SLC25A13: variants seen among roughly 807,000 people sequenced by gnomAD.
The protein encoded by SLC25A13 is electrogenic aspartate/glutamate antiporter SLC25A13, mitochondrial.
In SLC25A13, 70 loss-of-function variants were observed where a neutral mutation model predicts 85.5. The observed-to-expected ratio is 0.82, with a 90% CI of 0.68 to 1.00. The LOEUF (loss-of-function observed/expected upper bound fraction) is 1.00. Among genes scored for constraint, SLC25A13 ranks in the 50% least tolerant of loss-of-function variants. The probability of loss-of-function intolerance (pLI) is 0.00; values close to 1 mark genes in which losing one functional copy is unlikely to be tolerated. For synonymous variants in SLC25A13, 259 were observed against 288.7 expected (o/e 0.90, Z 1.04); for missense variants, 765 against 819.8 (o/e 0.93, Z 0.82).
intron 11 of SLC25A13, among the ~76,000 whole-genome samples, chr7:96,177,750 T>G (rs193194462): frequency 6.6e-6 from 1 of 152,154 alleles, no homozygotes; most frequent in African/African-American, 2.4e-5. Flanking sequence ...TCCTCCTTCA[T>G]GGAAACTGGA....
At chr7:96,229,435 G>A (rs997262512) in intron 4 of SLC25A13, among the ~76,000 whole-genome samples, 1 of 152,150 alleles carries the variant, frequency 6.6e-6, no homozygotes. Context: ...TCAGCAGGAT[G>A]TGGGTGGGGC....
At chr7:96,237,971 A>G (rs1400872124) in intron 3 of SLC25A13, among the ~76,000 whole-genome samples, 1 of 152,072 alleles carries the variant, frequency 6.6e-6, no homozygotes, top group African/African-American at 2.4e-5. Context: ...GCCAAAAGAG[A>G]CCCAATGGAC....
intron 3 of SLC25A13, among the ~76,000 whole-genome samples, chr7:96,268,806 G>A (rs1405253896): frequency 6.6e-6 from 1 of 152,126 alleles, no homozygotes; most frequent in Non-Finnish European, 1.5e-5. Context: ...ACCATGCCCT[G>A]CACTTCCATG....
chr7:96,258,066 C>T (rs1797708177), intron 3 of SLC25A13, among the ~76,000 whole-genome samples: 1 of 152,118 alleles, frequency 6.6e-6, no homozygotes, highest in African/African-American at 2.4e-5. Context: ...TGGAACGTAT[C>T]TCAAAAAGAA....
chr7:96,247,915 C>A (rs1797264232), intron 3 of SLC25A13, among the ~76,000 whole-genome samples: 1 of 147,288 alleles, frequency 6.8e-6, no homozygotes, highest in African/African-American at 2.5e-5. Flanking sequence ...ATAGTTTATA[C>A]AGGGTGTTCT....
Position 96,194,442 on chromosome 7 carries a change from C to CAAAAAAAAAAAAAAAAAAAAAAAAAAA in SLC25A13, c.469-1260_469-1259insTTTTTTTTTTTTTTTTTTTTTTTTTTT, listed in dbSNP as rs546248549. On this transcript the variant is annotated intron_variant, in intron 5 of 17. Transcript: ENST00000265631. Reference sequence around the variant, plus strand: ...TGGGTGACAGAGTGAAACCTTGTCTCAAAAAAAAAAAAAAAAAAAAAAAAA... The same window carrying CAAAAAAAAAAAAAAAAAAAAAAAAAAA: ...TGGGTGACAGAGTGAAACCTTGTCTCAAAAAAAAAAAAAAAAAAAAAAAAAAAAAAAAAAAAAAAAAAAAAAAAAAAA... Among the ~76,000 whole-genome samples, 3 of 27,690 alleles carry CAAAAAAAAAAAAAAAAAAAAAAAAAAA rather than the reference C, an allele frequency of 1.1e-4. 1 individual carries two copies. The highest frequency in any genetic ancestry group is 1.3e-4 in the Non-Finnish European group (2 of 14,870). 18.2% of individuals were successfully genotyped at this position (27,690 alleles called of 152,430 possible).
intron 4 of SLC25A13, among the ~76,000 whole-genome samples, chr7:96,232,344 C>T (rs1375374849): frequency 6.6e-6 from 1 of 151,104 alleles, no homozygotes; most frequent in East Asian, 1.9e-4. Flanking sequence ...GAACAGAAAA[C>T]CAAAAACCAA....
intron 2 of SLC25A13, among the ~76,000 whole-genome samples, chr7:96,294,712 C>T (rs147309644): frequency 0.011 from 1,665 of 152,292 alleles, 18 homozygotes; most frequent in South Asian, 0.025. Flanking sequence ...GGGTCTCACT[C>T]TGTCATCCAG....
chr7:96,202,721 AG>A (rs1795306258), intron 5 of SLC25A13, among the ~76,000 whole-genome samples: 2 of 152,216 alleles, frequency 1.3e-5, no homozygotes, highest in South Asian at 4.1e-4. Flanking sequence ...AATTGAAAAG[AG>A]GCAGCAGAGC....
At chr7:96,191,764 T>C (rs1265822179) in intron 6 of SLC25A13, among the ~76,000 whole-genome samples, 1 of 152,166 alleles carries the variant, frequency 6.6e-6, no homozygotes, top group African/African-American at 2.4e-5. Flanking sequence ...GTACAGACTT[T>C]ACATTGGTGG....
At chr7:96,121,441 A>G (rs1429730049) in intron 17 of SLC25A13, 64 bp from the exon 18 acceptor site, 3 of 1,564,858 alleles carry the variant, frequency 1.9e-6, no homozygotes, top group Non-Finnish European at 1.8e-6. Flanking sequence ...GATAAAAATA[A>G]CATTCAAAAC....
intron 15 of SLC25A13, among the ~76,000 whole-genome samples, chr7:96,122,256 C>A (rs1337548372): frequency 6.6e-6 from 1 of 152,152 alleles, no homozygotes; most frequent in Non-Finnish European, 1.5e-5. Context: ...ATTCCTAAAT[C>A]TTTAAATATT....
intron 1 of SLC25A13, among the ~76,000 whole-genome samples, chr7:96,307,906 C>T (rs1023129903): frequency 1.3e-5 from 2 of 151,728 alleles, no homozygotes; most frequent in Non-Finnish European, 2.9e-5. Context: ...AATCCCAGCA[C>T]TTTGGGAGGC....
intron 14 of SLC25A13, among the ~76,000 whole-genome samples, chr7:96,132,881 C>G (rs1176788923): frequency 1.3e-5 from 2 of 152,150 alleles, no homozygotes; most frequent in African/African-American, 4.8e-5. Context: ...CTGTCTGATG[C>G]TCCAAACTGT....
chr7:96,173,812 G>A (rs558579015), intron 11 of SLC25A13, among the ~76,000 whole-genome samples: 2 of 152,280 alleles, frequency 1.3e-5, no homozygotes, highest in South Asian at 2.1e-4. Context: ...TAAAAGACAC[G>A]CAAATCAAGA....
intron 1 of SLC25A13, among the ~76,000 whole-genome samples, chr7:96,318,947 C>T (rs867387433): frequency 4.6e-5 from 7 of 152,298 alleles, no homozygotes; most frequent in Non-Finnish European, 8.8e-5. Flanking sequence ...AACCCTACCC[C>T]TATGGCTCTG....
chr7:96,156,335 C>T (rs1284310933), intron 13 of SLC25A13, among the ~76,000 whole-genome samples: 3 of 152,166 alleles, frequency 2.0e-5, no homozygotes, highest in Non-Finnish European at 2.9e-5. Flanking sequence ...CTTGTTCTGT[C>T]GCCCAGGCTG....
intron 3 of SLC25A13, among the ~76,000 whole-genome samples, chr7:96,264,509 T>G (rs566019111): frequency 6.6e-6 from 1 of 152,332 alleles, no homozygotes; most frequent in East Asian, 1.9e-4. Flanking sequence ...TAGCTCAGCA[T>G]TTCTCAAAAA....
intron 1 of SLC25A13, among the ~76,000 whole-genome samples, chr7:96,315,102 C>A (rs1800083393): frequency 6.6e-6 from 1 of 152,110 alleles, no homozygotes; most frequent in African/African-American, 2.4e-5. Context: ...AGGATTATCA[C>A]AAAACTGTAT....
Sources: gnomAD v4.1 joint callset for allele counts (sites outside exome capture counted in the v4.1 genomes callset) on GRCh38, gnomAD v4.1.1 for gene constraint, MANE v1.5 for transcripts, NCBI Gene and HGNC (gene_info 2026-07-23, HGNC 2026-07-21) for gene names.